MICA: variants seen among roughly 807,000 people sequenced by gnomAD.
MICA encodes MHC class I polypeptide-related sequence A.
MICA carries 18 observed loss-of-function variants against 34.3 expected under a neutral mutation model. The ratio of observed to expected loss-of-function variants is 0.52; its 90% confidence interval spans 0.36 to 0.78. The LOEUF (loss-of-function observed/expected upper bound fraction) is 0.78, where lower values mean the gene tolerates loss of function less well. Ranked by LOEUF, MICA falls within the 30% of genes least tolerant of loss-of-function variation. The probability of loss-of-function intolerance (pLI) is 0.00; values close to 1 mark genes in which losing one functional copy is unlikely to be tolerated. For synonymous variants in MICA, 135 were observed against 156.9 expected (o/e 0.86, Z 1.04); for missense variants, 333 against 409.4 (o/e 0.81, Z 1.61).
intron 1 of MICA, 36 bp from the exon 2 acceptor site, chr6:31,410,507 A>G: frequency 6.2e-7 from 1 of 1,600,790 alleles, no homozygotes. Flanking sequence ...AGTTACTTCC[A>G]GGAAGAAGTT....
At chr6:31,414,223 T>C (rs1040035748) in intron 5 of MICA, among the ~76,000 whole-genome samples, 1 of 151,612 alleles carries the variant, frequency 6.6e-6, no homozygotes, top group African/African-American at 2.4e-5. Context: ...ATGGAGAAAA[T>C]CCCTTGTAGG....
At position 31,410,595 on chromosome 6, in the gene MICA, G is replaced by A; in HGVS notation, c.123G>A (p.Val41=). Residue 41 remains valine, a synonymous_variant, in exon 2 of 6, where the codon GTG becomes GTA. Coordinates refer to ENST00000449934, the MANE Select transcript of MICA (RefSeq NM_001177519.3). ...CGGTGCTGTCCTGGGATGGATCTGT[G>A]CAGTCAGGGTTTCTTGCTGAGGTAC... ...NLTVLSWDGS[V]QSGFLAEVHL... is the part of the protein sequence containing the mutation. 1.2e-6 allele frequency: 2 copies of A among 1,613,474 alleles called. No homozygotes were observed. Among genetic ancestry groups the A allele is most frequent in the Non-Finnish European group, 1.7e-6 (2 of 1,180,002 alleles).
At position 31,415,210 on chromosome 6, in the gene MICA, C is replaced by T. The variant is rs140390705; in HGVS notation, c.*228C>T. 3.9e-3 allele frequency: 2,735 copies of T among 708,910 alleles called. 93 individuals are homozygous for T. The highest frequency in any genetic ancestry group is 2.7e-3 in the Admixed American group (120 of 44,188). 43.9% of individuals were successfully genotyped at this position (708,910 alleles called of 1,614,324 possible). A position where few individuals can be genotyped will look rare whatever the true frequency, so the allele number is the denominator to read the frequency against. On this transcript the variant is annotated 3_prime_UTR_variant, in exon 6 of 6. Coordinates refer to ENST00000449934, the MANE Select transcript of MICA (RefSeq NM_001177519.3). ...ACAAGCACTTTCCCTCTTGGTGCCTCAGTTTCCTGACCTATGAAACAGAGA... is the reference window on the plus strand; with the variant it reads ...ACAAGCACTTTCCCTCTTGGTGCCTTAGTTTCCTGACCTATGAAACAGAGA...
intron 1 of MICA, among the ~76,000 whole-genome samples, chr6:31,405,376 C>G (rs1013348405): frequency 4.0e-5 from 6 of 151,004 alleles, no homozygotes; most frequent in African/African-American, 1.5e-4. Context: ...TTGGTTTTCT[C>G]TCTCTGGCCA....
chr6:31,410,994 C>T lies in MICA; in HGVS notation c.326-78C>T, dbSNP rs1204647074. ...CATGGAGGAGGGCCAGGGAGGCATACCCCCTGGGCTGAGTTCCTCACTTGG... is the reference window on the plus strand; with the variant it reads ...CATGGAGGAGGGCCAGGGAGGCATATCCCCTGGGCTGAGTTCCTCACTTGG... On this transcript the variant is annotated intron_variant, in intron 2 of 5. Coordinates refer to ENST00000449934, the MANE Select transcript of MICA (RefSeq NM_001177519.3). 7 of 1,488,480 alleles carry T rather than the reference C, an allele frequency of 4.7e-6. No individual in the cohort carries two copies. In the Admixed American group the frequency reaches 1.4e-4, roughly 30 times the overall value. The allele number at this position is 1,488,480 out of a possible 1,614,324, so 92.2% of individuals were successfully genotyped here. A position where few individuals can be genotyped will look rare whatever the true frequency, so the allele number is the denominator to read the frequency against.
At chr6:31,414,360 G>A (rs532734112) in intron 5 of MICA, among the ~76,000 whole-genome samples, 31 of 152,170 alleles carry the variant, frequency 2.0e-4, no homozygotes, top group Admixed American at 8.5e-4. Flanking sequence ...CAGGAGTAGC[G>A]GTTACTCAAG....
upstream of MICA, among the ~76,000 whole-genome samples, chr6:31,403,047 G>C (rs1770526935): frequency 6.6e-6 from 1 of 151,844 alleles, no homozygotes; most frequent in African/African-American, 2.4e-5. This position sits in a 1 kb window ranked among gnomAD's most constrained non-coding sequence, Gnocchi z 4.7. Context: ...TGGTCTGAGC[G>C]GTTCTACTGC....
At chr6:31,409,915 A>G (rs1193108201) in intron 1 of MICA, among the ~76,000 whole-genome samples, 8 of 151,710 alleles carry the variant, frequency 5.3e-5, no homozygotes, top group African/African-American at 1.9e-4. Context: ...TGTTCCATCC[A>G]ATTGCTGTCC....
chr6:31,407,946 T>C (rs1770834060), intron 1 of MICA, among the ~76,000 whole-genome samples: 1 of 151,932 alleles, frequency 6.6e-6, no homozygotes, highest in Non-Finnish European at 1.5e-5. Context: ...GAAAAGGCTT[T>C]CAGTTTTCCC....
At chr6:31,403,369 G>T (rs988171485), upstream of MICA, among the ~76,000 whole-genome samples, 3 of 151,908 alleles carry the variant, frequency 2.0e-5, no homozygotes, top group Non-Finnish European at 4.4e-5. The surrounding 1 kb of genome is among the most constrained non-coding windows in gnomAD (Gnocchi z 4.7). Context: ...ACTCGAAGCT[G>T]GTCCCTGCTT....
rs1181021960 is a variant in MICA at position 31,404,887 on chromosome 6, CATCCCTCCCTG to C, written c.70+1186_70+1196del. Among the ~76,000 whole-genome samples, 3 of 151,286 alleles carry C rather than the reference CATCCCTCCCTG, an allele frequency of 2.0e-5. 1 individual carries two copies. The highest frequency in any genetic ancestry group is 7.3e-5 in the African/African-American group (3 of 40,964). ...ACCCTCCAGCCCACAGGTGCTGGAC[CATCCCTCCCTG>C]GTCCCTCCGCCCCTCTCCACCTTGG... is the stretch of plus-strand genomic sequence containing the variant. On this transcript the variant is annotated intron_variant, in intron 1 of 5. Transcript: ENST00000449934.
chr6:31,410,847 G>C, intron 2 of MICA, 50 bp downstream of exon 2: 1 of 1,529,554 alleles, frequency 6.5e-7, no homozygotes, highest in Non-Finnish European at 8.8e-7. Context: ...TTCCAGAAAA[G>C]TTAGGGGCAG....
At chr6:31,410,132 AG>A (rs9279199) in intron 1 of MICA, among the ~76,000 whole-genome samples, 73,909 of 149,940 alleles carry the variant, frequency 0.49, 18,132 homozygotes, top group African/African-American at 0.63. Flanking sequence ...TCTCACCCTC[AG>A]CCTATGCACC....
At chr6:31,401,617 T>C (rs1041065698), upstream of MICA, among the ~76,000 whole-genome samples, 1 of 149,194 alleles carries the variant, frequency 6.7e-6, no homozygotes, top group African/African-American at 2.5e-5. Context: ...GCTATAATCA[T>C]GCCACTGCAT....
chr6:31,413,567 C>T (rs181991334), intron 5 of MICA, among the ~76,000 whole-genome samples: 146 of 151,996 alleles, frequency 9.6e-4, no homozygotes, highest in African/African-American at 3.4e-3. Context: ...CTGGGGTGTC[C>T]AGGAGGATGT....
chr6:31,409,263 C>T (rs1479966753), intron 1 of MICA, among the ~76,000 whole-genome samples: 3 of 151,018 alleles, frequency 2.0e-5, no homozygotes, highest in Non-Finnish European at 2.9e-5. Flanking sequence ...GAAATAGAAG[C>T]AGTACACAGG....
intron 1 of MICA, among the ~76,000 whole-genome samples, chr6:31,406,451 T>C (rs1770755581): frequency 6.6e-6 from 1 of 151,926 alleles, no homozygotes; most frequent in Non-Finnish European, 1.5e-5. Flanking sequence ...ATGTTTCAGT[T>C]ACTGATCCTT....
intron 4 of MICA, 31 bp downstream of exon 4, chr6:31,412,256 G>A: frequency 6.2e-7 from 1 of 1,606,560 alleles, no homozygotes; most frequent in Non-Finnish European, 8.5e-7. Context: ...GAGAGGGTCA[G>A]GCCAGGGTAG....
At position 31,415,123 on chromosome 6, in the gene MICA, C is replaced by A; in HGVS notation, c.*141C>A. 1 of 1,125,872 alleles carries A rather than the reference C, an allele frequency of 8.9e-7. No homozygotes were observed. Among genetic ancestry groups the A allele is most frequent in the Non-Finnish European group, 1.3e-6 (1 of 750,998 alleles). The allele number at this position is 1,125,872 out of a possible 1,614,324, so 69.7% of individuals were successfully genotyped here. Reference sequence around the variant, plus strand: ...ATGTCAGCTCTTGGGTCCACTGGCTCCACTGAGGGCACCTAGACTCTACAG... The same window carrying A: ...ATGTCAGCTCTTGGGTCCACTGGCTACACTGAGGGCACCTAGACTCTACAG... On this transcript the variant is annotated 3_prime_UTR_variant, in exon 6 of 6. Coordinates refer to ENST00000449934, the MANE Select transcript of MICA (RefSeq NM_001177519.3).
Sources: gnomAD v4.1 joint callset for allele counts (sites outside exome capture counted in the v4.1 genomes callset) on GRCh38, gnomAD v4.1.1 for gene constraint, Gnocchi (gnomAD v3.1) non-coding constraint, MANE v1.5 for transcripts, NCBI Gene and HGNC (gene_info 2026-07-23, HGNC 2026-07-21) for gene names.